Variants in KCNN2 observed in about 807,000 individuals in gnomAD.
The protein encoded by KCNN2 is potassium calcium-activated channel subfamily N member 2.
Under a neutral mutation model 55.5 loss-of-function variants are expected in KCNN2, and 24 were observed. The observed-to-expected ratio is 0.43, with a 90% CI of 0.31 to 0.61. The LOEUF is 0.61. KCNN2 is among the 20% of genes least tolerant of loss of function. The pLI is 0.08. For synonymous variants in KCNN2, 431 were observed against 336.1 expected (o/e 1.28, Z -3.09); for missense variants, 754 against 853.6 (o/e 0.88, Z 1.45).
intron 1 of KCNN2, among the ~76,000 whole-genome samples, chr5:114,221,050 A>T (rs549620381): frequency 4.6e-5 from 7 of 152,232 alleles, no homozygotes; most frequent in Non-Finnish European, 4.4e-5. Context: ...TCAACTCTGT[A>T]TGCATTATAA....
intron 2 of KCNN2, among the ~76,000 whole-genome samples, chr5:114,370,817 C>T (rs1476169093): frequency 3.9e-5 from 6 of 151,976 alleles, no homozygotes; most frequent in South Asian, 2.1e-4. Flanking sequence ...TTATGGATTC[C>T]GCCCCCCACC....
chr5:114,298,083 G>T (rs1226402738), intron 2 of KCNN2, among the ~76,000 whole-genome samples: 1 of 152,196 alleles, frequency 6.6e-6, no homozygotes, highest in Non-Finnish European at 1.5e-5. Flanking sequence ...AAAGGTACCT[G>T]ATACTAAGTA....
chr5:114,300,875 C>A (rs936924367), intron 2 of KCNN2, among the ~76,000 whole-genome samples: 1 of 152,158 alleles, frequency 6.6e-6, no homozygotes, highest in African/African-American at 2.4e-5. Flanking sequence ...TTAGCGCTAT[C>A]CCACATGACT....
intron 3 of KCNN2, among the ~76,000 whole-genome samples, chr5:114,437,523 A>G (rs752894483): frequency 5.9e-5 from 9 of 152,180 alleles, no homozygotes; most frequent in East Asian, 3.8e-4. Context: ...GAATCTGTTT[A>G]TTCCTTCAAA....
At chr5:114,181,830 A>G (rs1261398713) in intron 1 of KCNN2, among the ~76,000 whole-genome samples, 3 of 152,110 alleles carry the variant, frequency 2.0e-5, no homozygotes, top group Non-Finnish European at 4.4e-5. Context: ...CAGCCTGGCC[A>G]TGGTGAAACC....
At chr5:114,346,762 C>A in intron 2 of KCNN2, among the ~76,000 whole-genome samples, 1 of 90,536 alleles carries the variant, frequency 1.1e-5, no homozygotes, top group Non-Finnish European at 2.2e-5. Flanking sequence ...TTTTTAAATT[C>A]ATTCTCCAAA....
At chr5:114,250,635 A>C (rs1263663885) in intron 2 of KCNN2, among the ~76,000 whole-genome samples, 1 of 152,168 alleles carries the variant, frequency 6.6e-6, no homozygotes, top group African/African-American at 2.4e-5. Context: ...GATAGCTCGT[A>C]ATTGGGTCCT....
At chr5:114,086,685 A>C (rs1464919982) in intron 1 of KCNN2, among the ~76,000 whole-genome samples, 4 of 151,980 alleles carry the variant, frequency 2.6e-5, no homozygotes, top group African/African-American at 9.7e-5. Context: ...TCCACCACTG[A>C]TGGGCCCCTA....
At chr5:114,417,546 A>G (rs369187648) in intron 3 of KCNN2, among the ~76,000 whole-genome samples, 1 of 152,160 alleles carries the variant, frequency 6.6e-6, no homozygotes. Flanking sequence ...TATATCATCT[A>G]GATCTCTGTT....
chr5:114,456,290 C>T (rs925881037), intron 3 of KCNN2, among the ~76,000 whole-genome samples: 5 of 152,198 alleles, frequency 3.3e-5, no homozygotes, highest in Non-Finnish European at 7.3e-5. Context: ...TCTACTTTGC[C>T]TGTGCCCTGT....
chr5:114,450,200 A>G (rs1760612461), intron 3 of KCNN2, among the ~76,000 whole-genome samples: 1 of 152,250 alleles, frequency 6.6e-6, no homozygotes, highest in Non-Finnish European at 1.5e-5. Context: ...GGCCAGTGTC[A>G]ACATGCTTTC....
At chr5:114,347,436 A>G (rs771582643) in intron 2 of KCNN2, among the ~76,000 whole-genome samples, 7 of 152,234 alleles carry the variant, frequency 4.6e-5, no homozygotes, top group Non-Finnish European at 8.8e-5. Context: ...CCCACTTACT[A>G]GGCTGCGTGC....
chr5:114,252,738 A>G (rs988611679), intron 2 of KCNN2, among the ~76,000 whole-genome samples: 1 of 150,806 alleles, frequency 6.6e-6, no homozygotes, highest in Admixed American at 6.6e-5. Context: ...GCTCATTCTG[A>G]GAAAGTTTGG....
At position 114,427,937 on chromosome 5, in the gene KCNN2, A is replaced by G. The variant is rs116102136; in HGVS notation, c.1637+23081A>G. ...TCAGACTTATATTTACTGTGCTTCT[A>G]TTTCTTGTGAGATCAAAACACATCA... On this transcript the variant is annotated intron_variant, in intron 3 of 7. Coordinates refer to ENST00000673685, the MANE Select transcript of KCNN2 (RefSeq NM_021614.4). Among the ~76,000 whole-genome samples, 485 of 152,268 alleles carry G rather than the reference A, an allele frequency of 3.2e-3. 2 individuals are homozygous for G. The highest frequency in any genetic ancestry group is 9.5e-3 in the African/African-American group (394 of 41,554).
intron 2 of KCNN2, among the ~76,000 whole-genome samples, chr5:114,397,600 T>A (rs1475073781): frequency 6.6e-6 from 1 of 152,204 alleles, no homozygotes; most frequent in Non-Finnish European, 1.5e-5. Flanking sequence ...TTGGCCAGGC[T>A]GGTCTTGAAC....
intron 2 of KCNN2, among the ~76,000 whole-genome samples, chr5:114,289,993 G>C (rs61119190): frequency 0.044 from 6,691 of 152,102 alleles, 493 homozygotes; most frequent in African/African-American, 0.15. Flanking sequence ...AAACACAACT[G>C]TACTGTGTTT....
rs1323857158 is a variant in KCNN2 at position 114,341,924 on chromosome 5, C to T, written c.-184-19021C>T. ...AATGTGTTTTTTTTTTTTTTTGAGA[C>T]GGAATCTCGCTCTGTCACCCAGGCT... On this transcript the variant is annotated intron_variant, in intron 2 of 10. Coordinates refer to the KCNN2 transcript ENST00000512097. Among the ~76,000 whole-genome samples, 8 of 143,750 alleles carry T rather than the reference C, an allele frequency of 5.6e-5. No individual in the cohort carries two copies. In the East Asian group the frequency reaches 8.1e-4, roughly 15 times the overall value. The allele number at this position is 143,750 out of a possible 152,430, so 94.3% of individuals were successfully genotyped here. A position where few individuals can be genotyped will look rare whatever the true frequency, so the allele number is the denominator to read the frequency against.
chr5:114,381,146 G>GTCTA (rs1758113177), intron 2 of KCNN2, among the ~76,000 whole-genome samples: 1 of 152,122 alleles, frequency 6.6e-6, no homozygotes, highest in South Asian at 2.1e-4. Flanking sequence ...GCTAATAATA[G>GTCTA]TCTAATTAAT....
chr5:114,472,412 CT>C (rs956136286), intron 4 of KCNN2, among the ~76,000 whole-genome samples: 1 of 152,178 alleles, frequency 6.6e-6, no homozygotes, highest in Non-Finnish European at 1.5e-5. Context: ...TGACCCGTGC[CT>C]TTCCTAGTGT....
Sources: allele counts gnomAD v4.1 joint callset (sites outside exome capture counted in the v4.1 genomes callset), GRCh38; gene constraint gnomAD v4.1.1; transcripts MANE v1.5; gene names NCBI Gene and HGNC (gene_info 2026-07-23, HGNC 2026-07-21).